The following KLF13 variants were observed in gnomAD, a reference collection of about 807,000 sequenced individuals.
KLF13 encodes Krueppel-like factor 13.
KLF13 carries 8 observed loss-of-function variants against 16.7 expected under a neutral mutation model. That is an observed-to-expected ratio of 0.48 (90% CI 0.28 to 0.87). The LOEUF is 0.87. Ranked by LOEUF, KLF13 falls within the 40% of genes least tolerant of loss-of-function variation. The pLI, the probability that KLF13 is intolerant of heterozygous loss-of-function variation, is 0.10. For synonymous variants in KLF13, 245 were observed against 208.4 expected (o/e 1.18, Z -1.51); for missense variants, 447 against 452.2 (o/e 0.99, Z 0.10).
At position 31,415,128 on chromosome 15, in the gene KLF13, G is replaced by A. The variant is rs937481543; in HGVS notation, n.118-20242G>A. ...TGCCATGTGATCTCTGTACACGTCC[G>A]CTCCCCTTTGCCTTCTGCCGTGAGT... On this transcript the variant is annotated intron_variant and non_coding_transcript_variant, in intron 1 of 1. Transcript: ENST00000558225. 2.6e-5 allele frequency among the ~76,000 whole-genome samples: 4 copies of A among 152,120 alleles called. No individual in the cohort carries two copies. The East Asian group carries it at 5.8e-4, about 22-fold the overall frequency.
chr15:31,379,641 T>C (rs548269887), downstream of KLF13, among the ~76,000 whole-genome samples: 2 of 152,220 alleles, frequency 1.3e-5, no homozygotes, highest in Admixed American at 6.5e-5. Flanking sequence ...GAAGAACAAA[T>C]GTATGAGTGT....
At chr15:31,380,055 T>TG (rs577606191), downstream of KLF13, among the ~76,000 whole-genome samples, 323 of 152,250 alleles carry the variant, frequency 2.1e-3, 2 homozygotes, top group African/African-American at 7.1e-3. Flanking sequence ...CCCAGCACTC[T>TG]GGGGGGCCGA....
At chr15:31,354,543 G>A (rs917616501) in intron 1 of KLF13, among the ~76,000 whole-genome samples, 4 of 152,106 alleles carry the variant, frequency 2.6e-5, no homozygotes, top group African/African-American at 9.7e-5. Flanking sequence ...ACCACACCCA[G>A]CTAATTTTTT....
chr15:31,386,949 T>C (rs1382831837), intron 1 of KLF13, among the ~76,000 whole-genome samples: 1 of 152,236 alleles, frequency 6.6e-6, no homozygotes, highest in Non-Finnish European at 1.5e-5. Context: ...TGAGATCTAC[T>C]GCTCAGGAAA....
downstream of KLF13, among the ~76,000 whole-genome samples, chr15:31,381,028 CG>C (rs1207824866): frequency 3.3e-5 from 5 of 152,064 alleles, no homozygotes; most frequent in African/African-American, 1.2e-4. Context: ...AAAAATTAGC[CG>C]GGCATGGTGG....
chr15:31,341,081 C>T (rs1334782236), intron 1 of KLF13, among the ~76,000 whole-genome samples: 2 of 152,144 alleles, frequency 1.3e-5, no homozygotes, highest in Admixed American at 6.5e-5. Flanking sequence ...CTTGACTCCA[C>T]AAATGTTGTA....
At chr15:31,334,769 A>C (rs1436169521) in intron 1 of KLF13, among the ~76,000 whole-genome samples, 1 of 152,112 alleles carries the variant, frequency 6.6e-6, no homozygotes, top group Non-Finnish European at 1.5e-5. Context: ...TATTTTCTTG[A>C]GAAGTCAACT....
At chr15:31,412,763 G>A (rs1459403811) in intron 1 of KLF13, among the ~76,000 whole-genome samples, 1 of 152,168 alleles carries the variant, frequency 6.6e-6, no homozygotes, top group Admixed American at 6.5e-5. Context: ...CTTCTCATTG[G>A]AATTGACTTC....
Position 31,327,021 on chromosome 15 carries a change from G to C in KLF13, c.-192G>C, listed in dbSNP as rs1223041418. 6.7e-6 allele frequency: 2 copies of C among 297,290 alleles called. No individual in the cohort carries two copies. The highest frequency in any genetic ancestry group is 6.1e-5 in the Admixed American group (1 of 16,446). 18.4% of individuals were successfully genotyped at this position (297,290 alleles called of 1,614,324 possible). A position where few individuals can be genotyped will look rare whatever the true frequency, so the allele number is the denominator to read the frequency against. ...TGCGCTCACTCTTCGGTGCCCGGCCGGGCCGGCGCCTCGCAGACGCGGAGC... is the reference window on the plus strand; with the variant it reads ...TGCGCTCACTCTTCGGTGCCCGGCCCGGCCGGCGCCTCGCAGACGCGGAGC... On this transcript the variant is annotated 5_prime_UTR_variant, in exon 1 of 2. Transcript: ENST00000307145.
At chr15:31,327,811 C>G (rs758426050) in intron 1 of KLF13, 22 bp downstream of exon 1, 22 of 1,442,068 alleles carry the variant, frequency 1.5e-5, no homozygotes, top group Non-Finnish European at 1.9e-5. Flanking sequence ...GGCGCGGGCG[C>G]CCGGATCGCG....
At chr15:31,356,910 A>G (rs2039309504) in intron 1 of KLF13, among the ~76,000 whole-genome samples, 1 of 152,182 alleles carries the variant, frequency 6.6e-6, no homozygotes, top group Non-Finnish European at 1.5e-5. Context: ...GTCGGGTGGC[A>G]TCTGGAAAAC....
chr15:31,327,675 C>A lies in KLF13; in HGVS notation c.463C>A (p.Arg155=), dbSNP rs2140925013. ...PGLRQRVRRG[R]SRADLESPQR... The stretch of plus-strand genomic sequence containing the variant: ...CCTCAGACAAAGGGTCCGGCGGGGC[C>A]GAAGTCGCGCCGACCTCGAGTCCCC... Residue 155 remains arginine (R), a synonymous_variant, in exon 1 of 2, where the codon CGA becomes AGA. Transcript: ENST00000307145. The A allele has an allele frequency of 6.6e-7, 1 of 1,514,856 alleles. No homozygotes were observed. The highest frequency in any genetic ancestry group is 1.2e-5 in the South Asian group (1 of 83,378). The allele number at this position is 1,514,856 out of a possible 1,614,324, so 93.8% of individuals were successfully genotyped here. A position where few individuals can be genotyped will look rare whatever the true frequency, so the allele number is the denominator to read the frequency against.
chr15:31,358,331 C>T (rs553900071), intron 1 of KLF13, among the ~76,000 whole-genome samples: 4 of 152,214 alleles, frequency 2.6e-5, no homozygotes, highest in Admixed American at 1.3e-4. Flanking sequence ...GTCAAAACAT[C>T]GTTTTCCCAA....
At chr15:31,335,983 G>A (rs1419993467) in intron 1 of KLF13, among the ~76,000 whole-genome samples, 1 of 152,280 alleles carries the variant, frequency 6.6e-6, no homozygotes, top group Non-Finnish European at 1.5e-5. Context: ...AGGTGGAGTT[G>A]TGTCACGTGC....
intron 1 of KLF13, among the ~76,000 whole-genome samples, chr15:31,339,454 G>A (rs943562655): frequency 6.6e-6 from 1 of 152,210 alleles, no homozygotes; most frequent in Admixed American, 6.5e-5. Flanking sequence ...CAGCTGGCAC[G>A]GGAGGCTGGG....
At chr15:31,332,024 A>G (rs893885324) in intron 1 of KLF13, among the ~76,000 whole-genome samples, 1 of 152,018 alleles carries the variant, frequency 6.6e-6, no homozygotes, top group African/African-American at 2.4e-5. Context: ...TTTACCCTTC[A>G]CTTATGGAAA....
upstream of KLF13, among the ~76,000 whole-genome samples, chr15:31,388,102 G>A (rs1374153452): frequency 1.3e-5 from 2 of 152,232 alleles, no homozygotes; most frequent in African/African-American, 4.8e-5. Context: ...GAAGTCATCT[G>A]TCCTGGTACC....
intron 1 of KLF13, among the ~76,000 whole-genome samples, chr15:31,425,451 G>T (rs2040389658): frequency 6.6e-6 from 1 of 152,168 alleles, no homozygotes; most frequent in Non-Finnish European, 1.5e-5. Context: ...GAATATAAGA[G>T]AGATCCCAGA....
chr15:31,370,605 G>A (rs540964637), intron 1 of KLF13, among the ~76,000 whole-genome samples: 1 of 152,130 alleles, frequency 6.6e-6, no homozygotes, highest in African/African-American at 2.4e-5. Flanking sequence ...TTTTAGTAGA[G>A]ACGGGGTTTC....
Sources: gnomAD v4.1 joint callset for allele counts (sites outside exome capture counted in the v4.1 genomes callset) on GRCh38, gnomAD v4.1.1 for gene constraint, MANE v1.5 for transcripts, NCBI Gene and HGNC (gene_info 2026-07-23, HGNC 2026-07-21) for gene names.